The following IGFBP2 variants were observed in gnomAD, a reference collection of about 807,000 sequenced individuals.
IGFBP2 encodes the protein insulin-like growth factor-binding protein 2.
Under a neutral mutation model 26.2 loss-of-function variants are expected in IGFBP2, and 12 were observed. That is an observed-to-expected ratio of 0.46 (90% confidence interval 0.29 to 0.74). IGFBP2 has a LOEUF of 0.74. IGFBP2 is among the 30% of genes least tolerant of loss of function. IGFBP2 has a pLI of 0.09. For missense variants in IGFBP2, 328 were observed against 441.2 expected (o/e 0.74, Z 2.30); for synonymous variants, 189 against 200.6 (o/e 0.94, Z 0.49).
At chr2:216,647,971 C>T (rs1422803814) in intron 1 of IGFBP2, among the ~76,000 whole-genome samples, 5 of 152,204 alleles carry the variant, frequency 3.3e-5, no homozygotes, top group Non-Finnish European at 7.3e-5. Context: ...ATCAAGTGAC[C>T]TTTGGACACT....
chr2:216,633,745 A>T lies in IGFBP2; in HGVS notation c.222A>T (p.Pro74=). 1 of 1,292,074 alleles carries T rather than the reference A, an allele frequency of 7.7e-7. No homozygotes were observed. The highest frequency in any genetic ancestry group is 9.8e-7 in the Non-Finnish European group (1 of 1,022,868). 80.0% of individuals were successfully genotyped at this position (1,292,074 alleles called of 1,614,324 possible). A position where few individuals can be genotyped will look rare whatever the true frequency, so the allele number is the denominator to read the frequency against. The part of the protein sequence containing the change: ...VAAVAGGARM[P]CAELVREPGC... ...CAGTGGCCGGAGGCGCCCGCATGCC[A>T]TGCGCGGAGCTCGTCCGGGAGCCGG... The change falls in exon 1 of 4, where the codon CCA becomes CCT. Residue 74 remains proline, a synonymous_variant. Coordinates refer to ENST00000233809, the MANE Select transcript of IGFBP2 (RefSeq NM_000597.3).
chr2:216,635,802 A>T (rs918029979), intron 1 of IGFBP2, among the ~76,000 whole-genome samples: 1 of 152,008 alleles, frequency 6.6e-6, no homozygotes, highest in Non-Finnish European at 1.5e-5. Context: ...GGGTGAGTTC[A>T]TGGGAAGAAT....
At chr2:216,656,382 G>A (rs996363853) in intron 1 of IGFBP2, among the ~76,000 whole-genome samples, 1 of 152,172 alleles carries the variant, frequency 6.6e-6, no homozygotes, top group East Asian at 1.9e-4. Context: ...CCGTGGATGC[G>A]GAATATAGTG....
intron 1 of IGFBP2, among the ~76,000 whole-genome samples, chr2:216,646,849 A>C (rs1254732134): frequency 2.0e-5 from 3 of 152,218 alleles, no homozygotes; most frequent in Non-Finnish European, 4.4e-5. Flanking sequence ...GCTACAATTC[A>C]TGGTGAGATT....
At position 216,664,098 on chromosome 2, in the gene IGFBP2, G is replaced by A. The variant is rs1451564366; in HGVS notation, c.972G>A (p.Met324Ile). 1.3e-6 allele frequency: 2 copies of A among 1,595,046 alleles called. No individual in the cohort carries two copies. Among genetic ancestry groups the A allele is most frequent in the Non-Finnish European group, 1.7e-6 (2 of 1,169,596 alleles). ...QEARGVHTQR[M>I]Q ...CTCGCGGGGTGCACACCCAGCGGAT[G>A]CAGTAGACCGCAGCCAGCCGGTGCC... The change falls in exon 4 of 4, where the codon ATG (methionine) becomes ATA (isoleucine). Residue 324 changes from methionine (M) to isoleucine (I), a missense_variant. Coordinates refer to ENST00000233809, the MANE Select transcript of IGFBP2 (RefSeq NM_000597.3). The surrounding 1 kb of genome is among the most constrained non-coding windows in gnomAD (Gnocchi z 4.6).
At chr2:216,656,439 G>A (rs376757431) in intron 1 of IGFBP2, among the ~76,000 whole-genome samples, 1 of 152,204 alleles carries the variant, frequency 6.6e-6, no homozygotes, top group Admixed American at 6.5e-5. Flanking sequence ...TCAGCAATGG[G>A]CTATCAGCTT....
Position 216,633,890 on chromosome 2 carries a change from G to C in IGFBP2, c.367G>C (p.Ala123Pro), listed in dbSNP as rs1175529387. The C allele has an allele frequency of 2.5e-6, 4 of 1,590,772 alleles. No homozygotes were observed. The highest frequency in any genetic ancestry group is 8.5e-7 in the Non-Finnish European group (1 of 1,171,186). ...PHPGSELPLQ[A>P]LVMGEGTCEK... The stretch of plus-strand genomic sequence containing the variant: ...CCCGGGCTCCGAGCTGCCCCTGCAG[G>C]CGCTGGTCATGGGCGAGGGCACTTG... Residue 123 changes from alanine to proline, a missense_variant, in exon 1 of 4, where the codon GCG (alanine) becomes CCG (proline). Transcript: ENST00000233809.
At chr2:216,649,128 T>C (rs937710048) in intron 1 of IGFBP2, among the ~76,000 whole-genome samples, 3 of 152,264 alleles carry the variant, frequency 2.0e-5, no homozygotes, top group African/African-American at 7.2e-5. Context: ...TATATGCATA[T>C]ATATGATAGA....
intron 1 of IGFBP2, among the ~76,000 whole-genome samples, chr2:216,651,540 C>G (rs546077786): frequency 3.9e-5 from 6 of 152,280 alleles, no homozygotes; most frequent in Middle Eastern, 3.4e-3. Context: ...TTAAGGACTT[C>G]TATTAAATGG....
chr2:216,634,212 G>T (rs1215132193), intron 1 of IGFBP2, among the ~76,000 whole-genome samples: 1 of 152,226 alleles, frequency 6.6e-6, no homozygotes, highest in Non-Finnish European at 1.5e-5. Context: ...CATCCCTGCT[G>T]CCATAGTTTT....
chr2:216,655,525 C>T lies in IGFBP2; in HGVS notation c.443-5032C>T, dbSNP rs548510095. ...TGTGAGTTTCCTGAGGCCTCCCCGCCATGCTGAACTGTGAGTCAATTAAAG... is the reference window on the plus strand; with the variant it reads ...TGTGAGTTTCCTGAGGCCTCCCCGCTATGCTGAACTGTGAGTCAATTAAAG... On this transcript the variant is annotated intron_variant, in intron 1 of 3. Coordinates refer to ENST00000233809, the MANE Select transcript of IGFBP2 (RefSeq NM_000597.3). 1.9e-3 allele frequency among the ~76,000 whole-genome samples: 295 copies of T among 152,316 alleles called. 2 individuals are homozygous for T. The highest frequency in any genetic ancestry group is 3.0e-3 in the Non-Finnish European group (206 of 68,030).
chr2:216,633,735 C>G lies in IGFBP2; in HGVS notation c.212C>G (p.Ala71Gly). 22 of 1,258,956 alleles carry G rather than the reference C, an allele frequency of 1.7e-5. No homozygotes were observed. Among genetic ancestry groups the G allele is most frequent in the Non-Finnish European group, 2.2e-5 (22 of 1,004,456 alleles). 78.0% of individuals were successfully genotyped at this position (1,258,956 alleles called of 1,614,324 possible). The change falls in exon 1 of 4, where the codon GCC (alanine) becomes GGC (glycine). Residue 71 changes from alanine (A) to glycine (G), a missense_variant. By Grantham distance (60) the Ala-to-Gly change is moderately conservative (BLOSUM62 0). Coordinates refer to ENST00000233809, the MANE Select transcript of IGFBP2 (RefSeq NM_000597.3). The part of the protein sequence containing the change: ...PAAVAAVAGG[A>G]RMPCAELVRE... ...GCGGTGGCCGCAGTGGCCGGAGGCG[C>G]CCGCATGCCATGCGCGGAGCTCGTC... is the stretch of plus-strand genomic sequence containing the variant.
intron 1 of IGFBP2, among the ~76,000 whole-genome samples, chr2:216,638,634 A>G (rs1421542718): frequency 6.6e-6 from 1 of 152,186 alleles, no homozygotes; most frequent in Non-Finnish European, 1.5e-5. Context: ...CCCAGTCATC[A>G]GGTGGCTTCC....
rs1354176270 is a variant in IGFBP2 at position 216,633,470 on chromosome 2, G to A, written c.-54G>A. On this transcript the variant is annotated 5_prime_UTR_variant, in exon 1 of 4. Transcript: ENST00000233809. ...CCGCGCTCGCAGGGCCGTGCCACCT[G>A]CCCGCCCGCCCGCTCGCTCGCTCGC... The A allele has an allele frequency of 4.9e-6, 2 of 410,800 alleles. No homozygotes were observed. Among genetic ancestry groups the A allele is most frequent in the Non-Finnish European group, 6.6e-6 (2 of 302,386 alleles). The allele number at this position is 410,800 out of a possible 1,614,324, so 25.4% of individuals were successfully genotyped here.
At chr2:216,660,474 C>T (rs915620862) in intron 1 of IGFBP2, 83 bp from the exon 2 acceptor site, 2 of 991,356 alleles carry the variant, frequency 2.0e-6, no homozygotes, top group Admixed American at 5.1e-5. Context: ...CCCTCATCAT[C>T]ATTACGGTCC....
chr2:216,660,052 T>G (rs961876401), intron 1 of IGFBP2, among the ~76,000 whole-genome samples: 1 of 152,052 alleles, frequency 6.6e-6, no homozygotes, highest in Non-Finnish European at 1.5e-5. Flanking sequence ...AAAACTCAAC[T>G]AATTGGTGCT....
In IGFBP2 at chr2:216,633,817, C is replaced by T. The variant is rs761977361; in HGVS notation, c.294C>T (p.Cys98=). Residue 98 remains cysteine, a synonymous_variant, in exon 1 of 4, where the codon TGC becomes TGT. Transcript: ENST00000233809. The stretch of plus-strand genomic sequence containing the variant: ...GCGCCCGGCTGGAGGGCGAGGCGTG[C>T]GGCGTCTACACCCCGCGCTGCGGCC... ...SVCARLEGEA[C]GVYTPRCGQG... The T allele has an allele frequency of 5.3e-6, 8 of 1,518,670 alleles. No homozygotes were observed. Among genetic ancestry groups the T allele is most frequent in the Non-Finnish European group, 6.1e-6 (7 of 1,138,924 alleles). 94.1% of individuals were successfully genotyped at this position (1,518,670 alleles called of 1,614,324 possible).
At chr2:216,640,123 T>C (rs1697583003) in intron 1 of IGFBP2, among the ~76,000 whole-genome samples, 1 of 152,066 alleles carries the variant, frequency 6.6e-6, no homozygotes, top group Non-Finnish European at 1.5e-5. Context: ...CCGGCTCAGC[T>C]AGAACACCTG....
chr2:216,660,880 T>C (rs539355267), intron 2 of IGFBP2, 94 bp downstream of exon 2: 2 of 964,022 alleles, frequency 2.1e-6, no homozygotes, highest in African/African-American at 1.6e-5. Context: ...CCTCATCTGG[T>C]GTGACCTGTA....
Sources: allele counts gnomAD v4.1 joint callset (sites outside exome capture counted in the v4.1 genomes callset), GRCh38; gene constraint gnomAD v4.1.1; non-coding constraint Gnocchi (gnomAD v3.1); transcripts MANE v1.5; gene names NCBI Gene and HGNC (gene_info 2026-07-23, HGNC 2026-07-21).